PPP1R12B: variants seen among roughly 807,000 people sequenced by gnomAD.
PPP1R12B encodes protein phosphatase 1 regulatory subunit 12B.
In PPP1R12B, 76 loss-of-function variants were observed where a neutral mutation model predicts 126.1. The observed-to-expected ratio is 0.60, with a 90% CI of 0.50 to 0.73. The LOEUF is 0.73. Ranked by LOEUF, PPP1R12B falls within the 30% of genes least tolerant of loss-of-function variation. The pLI is 0.00. For synonymous variants in PPP1R12B, 356 were observed against 434.7 expected, an observed-to-expected ratio of 0.82 and a Z score of 2.25; for missense variants, 1,052 against 1,205.1, an observed-to-expected ratio of 0.87 and a Z score of 1.88.
intron 18 of PPP1R12B, among the ~76,000 whole-genome samples, chr1:202,549,496 C>T (rs1415980897): frequency 4.0e-5 from 6 of 151,564 alleles, no homozygotes; most frequent in South Asian, 4.2e-4. Flanking sequence ...CTCTGCTCAC[C>T]GCAAGCTCTG....
chr1:202,440,671 A>G lies in PPP1R12B; in HGVS notation c.1459-35A>G, dbSNP rs111624000. On this transcript the variant is annotated intron_variant, in intron 10 of 23. Coordinates refer to ENST00000608999, the MANE Select transcript of PPP1R12B (RefSeq NM_002481.4). ...ATGTTTTATGCTGTGCCAGTATTGT[A>G]CCTTTCTTGTGCTTTACTTGTTTTT... is the stretch of plus-strand genomic sequence containing the variant. 3,026 of 1,500,942 alleles carry G rather than the reference A, an allele frequency of 2.0e-3. 44 individuals are homozygous for G. In the African/African-American group the frequency reaches 0.034, roughly 17 times the overall value. 93.0% of individuals were successfully genotyped at this position (1,500,942 alleles called of 1,614,324 possible).
intron 1 of PPP1R12B, among the ~76,000 whole-genome samples, chr1:202,383,906 A>T (rs1196223921): frequency 6.6e-6 from 1 of 152,158 alleles, no homozygotes. Context: ...ACTGATGGAC[A>T]TGTAAGTTGT....
At chr1:202,414,654 G>C (rs1228154948) in intron 1 of PPP1R12B, among the ~76,000 whole-genome samples, 1 of 152,056 alleles carries the variant, frequency 6.6e-6, no homozygotes, top group East Asian at 1.9e-4. Context: ...GGCTTACTTT[G>C]TTCATTTTCA....
intron 18 of PPP1R12B, among the ~76,000 whole-genome samples, chr1:202,549,843 C>T (rs972516173): frequency 6.6e-6 from 1 of 152,164 alleles, no homozygotes; most frequent in Non-Finnish European, 1.5e-5. Flanking sequence ...GTAAGTACTA[C>T]TCACAAGGCT....
Position 202,558,903 on chromosome 1 carries a change from C to A in PPP1R12B, c.2507+10C>A. On this transcript the variant is annotated intron_variant, in intron 19 of 23. Coordinates refer to ENST00000608999, the MANE Select transcript of PPP1R12B (RefSeq NM_002481.4). ...ATGAAAGACTTTCTAGGTAAGAACT[C>A]TCCCTGTTATATATGCATGCTTAAT... The A allele has an allele frequency of 1.3e-6, 2 of 1,584,418 alleles. No individual in the cohort carries two copies. Among genetic ancestry groups the A allele is most frequent in the African/African-American group, 2.7e-5 (2 of 73,534 alleles).
At chr1:202,355,666 A>C (rs1337167257) in intron 1 of PPP1R12B, among the ~76,000 whole-genome samples, 1 of 152,184 alleles carries the variant, frequency 6.6e-6, no homozygotes, top group Non-Finnish European at 1.5e-5. Context: ...GTCGTTACCC[A>C]ACCAAAGCAG....
intron 18 of PPP1R12B, among the ~76,000 whole-genome samples, chr1:202,521,363 G>A (rs986377489): frequency 6.6e-6 from 1 of 152,124 alleles, no homozygotes; most frequent in African/African-American, 2.4e-5. Flanking sequence ...TGAAAAAGCA[G>A]TCAAGAGAAC....
chr1:202,388,118 G>A lies in PPP1R12B; in HGVS notation c.292-28669G>A, dbSNP rs141520582. On this transcript the variant is annotated intron_variant, in intron 1 of 23. Coordinates refer to ENST00000608999, the MANE Select transcript of PPP1R12B (RefSeq NM_002481.4). ...AAAGAGGATCCTGTTCATAGAAGCA[G>A]CAAAAAAAAAAAAAAAGAGAAAAAA... 3.7e-3 allele frequency among the ~76,000 whole-genome samples: 510 copies of A among 138,566 alleles called. 1 individual carries two copies. In the Middle Eastern group the frequency reaches 0.04, roughly 11 times the overall value. The allele number at this position is 138,566 out of a possible 152,430, so 90.9% of individuals were successfully genotyped here.
chr1:202,540,211 A>C (rs761166389), intron 18 of PPP1R12B: 169 of 1,609,930 alleles, frequency 1.0e-4, no homozygotes, highest in Non-Finnish European at 1.4e-4. Context: ...CTCCCCCAGC[A>C]TCTCCCTCCC....
In PPP1R12B at chr1:202,366,309, A is replaced by G. The variant is rs917493575; in HGVS notation, c.291+17167A>G. Among the ~76,000 whole-genome samples the G allele has an allele frequency of 5.9e-5, 9 of 152,044 alleles. 1 individual carries two copies. The highest frequency in any genetic ancestry group is 1.9e-4 in the African/African-American group (8 of 41,400). ...TGAGGCGGGCAGATCACTTGAGGTC[A>G]GGAGTCCGAGACCAGCTTGGCCAAC... On this transcript the variant is annotated intron_variant, in intron 1 of 23. Coordinates refer to ENST00000608999, the MANE Select transcript of PPP1R12B (RefSeq NM_002481.4).
rs1366482264 is a variant in PPP1R12B, at chr1:202,580,591, G to A, written c.*31G>A. ...GCTCCAGATTTATGAGGAAAGAAAG[G>A]GACAGCATTTGCTGCCCCCACCCCT... On this transcript the variant is annotated 3_prime_UTR_variant, in exon 24 of 24. Coordinates refer to ENST00000608999, the MANE Select transcript of PPP1R12B (RefSeq NM_002481.4). 6.4e-7 allele frequency: 1 copy of A among 1,569,798 alleles called. No individual in the cohort carries two copies. The highest frequency in any genetic ancestry group is 8.8e-7 in the Non-Finnish European group (1 of 1,139,774).
intron 13 of PPP1R12B, among the ~76,000 whole-genome samples, chr1:202,459,732 T>C (rs805909): frequency 0.85 from 130,070 of 152,178 alleles, 55,629 homozygotes; most frequent in Admixed American, 0.88. Flanking sequence ...TCATTGAATT[T>C]ACTGACCATT....
chr1:202,512,742 A>C (rs1029225307), intron 18 of PPP1R12B, among the ~76,000 whole-genome samples: 2 of 152,088 alleles, frequency 1.3e-5, no homozygotes, highest in African/African-American at 4.8e-5. Context: ...GCTTTCATAC[A>C]TGGTATTTTC....
At chr1:202,531,499 C>G (rs941391496) in intron 18 of PPP1R12B, among the ~76,000 whole-genome samples, 11 of 152,024 alleles carry the variant, frequency 7.2e-5, no homozygotes, top group African/African-American at 2.7e-4. Flanking sequence ...CTAATAGTAC[C>G]TTGCATAGAA....
chr1:202,395,413 C>T (rs1472196310), intron 1 of PPP1R12B, among the ~76,000 whole-genome samples: 1 of 152,154 alleles, frequency 6.6e-6, no homozygotes, highest in African/African-American at 2.4e-5. Flanking sequence ...CTTTTAACTC[C>T]CTCATTCATC....
intron 10 of PPP1R12B, chr1:202,438,816 C>T (rs905457031): frequency 2.2e-5 from 19 of 855,676 alleles, no homozygotes; most frequent in Non-Finnish European, 6.1e-6. Flanking sequence ...TAGTGTCTAA[C>T]TCACGGACGT....
At chr1:202,578,805 A>C (rs1423907058) in intron 23 of PPP1R12B, among the ~76,000 whole-genome samples, 1 of 152,240 alleles carries the variant, frequency 6.6e-6, no homozygotes, top group African/African-American at 2.4e-5. Context: ...AAGTACAAAA[A>C]TGGAAATGCA....
intron 18 of PPP1R12B, among the ~76,000 whole-genome samples, chr1:202,536,722 A>C (rs1238338795): frequency 1.2e-4 from 19 of 152,128 alleles, no homozygotes. Flanking sequence ...AAACACATAC[A>C]GCTGTACAAA....
chr1:202,474,917 T>C (rs1362832547), intron 13 of PPP1R12B, among the ~76,000 whole-genome samples: 1 of 152,168 alleles, frequency 6.6e-6, no homozygotes, highest in Non-Finnish European at 1.5e-5. Context: ...ATAAGAAATG[T>C]AGTATTTGGC....
Sources: gnomAD v4.1 joint callset for allele counts (sites outside exome capture counted in the v4.1 genomes callset) on GRCh38, gnomAD v4.1.1 for gene constraint, MANE v1.5 for transcripts, NCBI Gene and HGNC (gene_info 2026-07-23, HGNC 2026-07-21) for gene names.